Variants in BCAT1 observed in about 807,000 individuals in gnomAD.
The protein encoded by BCAT1 is branched-chain-amino-acid aminotransferase, cytosolic.
A neutral mutation model predicts 52.4 loss-of-function variants in BCAT1; 48 were observed. The ratio of observed to expected loss-of-function variants is 0.92; its 90% confidence interval spans 0.73 to 1.16. The LOEUF (loss-of-function observed/expected upper bound fraction) is 1.16. Among genes scored for constraint, BCAT1 ranks in the 50% most tolerant of loss-of-function variants. The pLI is 0.00. For synonymous variants in BCAT1, 167 were observed against 161.3 expected (o/e 1.04, Z -0.27); for missense variants, 451 against 457.1 (o/e 0.99, Z 0.12).
At chr12:24,902,283 G>A (rs1457720397) in intron 1 of BCAT1, 2 of 1,319,194 alleles carry the variant, frequency 1.5e-6, no homozygotes, top group East Asian at 3.0e-5. Flanking sequence ...TCAGCCTCGT[G>A]GTCTTGTCAA....
At chr12:24,855,336 A>G (rs1476937475) in intron 5 of BCAT1, among the ~76,000 whole-genome samples, 2 of 151,666 alleles carry the variant, frequency 1.3e-5, no homozygotes, top group South Asian at 2.1e-4. Context: ...GAAAAAAAAA[A>G]GAAAAGGAAT....
Position 24,878,536 on chromosome 12 carries a change from T to G in BCAT1, c.504A>C (p.Gly168=). ...ATAAAGAGTCAGTTTGCACCTCAGT[T>G]CCAATGAATGTAGGACGAATATACA... is the stretch of plus-strand genomic sequence containing the variant. ...ASLYIRPTFI[G]TEPSLGVKKP... Residue 168 remains glycine, a synonymous_variant, in exon 5 of 11, where the codon GGA becomes GGC. Coordinates refer to ENST00000261192, the MANE Select transcript of BCAT1 (RefSeq NM_005504.7). The G allele has an allele frequency of 6.2e-7, 1 of 1,607,180 alleles. No individual in the cohort carries two copies. The highest frequency in any genetic ancestry group is 1.3e-5 in the African/African-American group (1 of 74,746).
rs570610777 is a variant in BCAT1, at chr12:24,926,514, G to C, written c.6+22413C>G. Among the ~76,000 whole-genome samples, 124 of 152,386 alleles carry C rather than the reference G, an allele frequency of 8.1e-4. 1 individual carries two copies. Among genetic ancestry groups the C allele is most frequent in the African/African-American group, 2.9e-3 (120 of 41,598 alleles). Reference sequence around the variant, plus strand: ...ATGACAATGGCGGTTTTGTGGAATAGAAAAGGGGGAAATGTGGGGAAAAGA... The same window carrying C: ...ATGACAATGGCGGTTTTGTGGAATACAAAAGGGGGAAATGTGGGGAAAAGA... On this transcript the variant is annotated intron_variant, in intron 1 of 10. Transcript: ENST00000261192.
intron 1 of BCAT1, among the ~76,000 whole-genome samples, chr12:24,937,267 T>C (rs920355678): frequency 1.3e-5 from 2 of 152,008 alleles, no homozygotes; most frequent in African/African-American, 4.8e-5. Context: ...CACCCCTGGA[T>C]GGGGAATCAG....
chr12:24,940,004 T>A (rs552027009), intron 1 of BCAT1, among the ~76,000 whole-genome samples: 2 of 152,164 alleles, frequency 1.3e-5, no homozygotes, highest in African/African-American at 4.8e-5. Flanking sequence ...TATATAAATA[T>A]ATACAGTGAA....
chr12:24,821,428 T>A lies in BCAT1; in HGVS notation c.1120-3379A>T, dbSNP rs555847058. Among the ~76,000 whole-genome samples the A allele has an allele frequency of 6.6e-5, 10 of 152,328 alleles. No individual in the cohort carries two copies. In the South Asian group the frequency reaches 2.1e-3, roughly 32 times the overall value. On this transcript the variant is annotated intron_variant, in intron 10 of 10. Transcript: ENST00000261192. The stretch of plus-strand genomic sequence containing the variant: ...GATTATTCACACATGCTCCCCCTGA[T>A]ACTTAAAAGCCAGGCTCTAGCTTTT...
At chr12:24,854,888 A>G (rs973193323) in intron 5 of BCAT1, among the ~76,000 whole-genome samples, 11 of 152,260 alleles carry the variant, frequency 7.2e-5, no homozygotes, top group African/African-American at 2.4e-4. Context: ...TCCTTACTTT[A>G]AGAGAGTTCC....
At chr12:24,905,221 G>A (rs1341370810) in intron 1 of BCAT1, among the ~76,000 whole-genome samples, 1 of 152,022 alleles carries the variant, frequency 6.6e-6, no homozygotes, top group Non-Finnish European at 1.5e-5. Flanking sequence ...GCAAAAATAA[G>A]GTAAAAGCCT....
At chr12:24,829,242 G>C in intron 10 of BCAT1, among the ~76,000 whole-genome samples, 1 of 151,554 alleles carries the variant, frequency 6.6e-6, no homozygotes, top group Non-Finnish European at 1.5e-5. Flanking sequence ...AAATTAGCTG[G>C]GCATGGTGGC....
intron 5 of BCAT1, among the ~76,000 whole-genome samples, chr12:24,859,098 C>T (rs1303247562): frequency 1.3e-5 from 2 of 151,474 alleles, no homozygotes; most frequent in African/African-American, 4.9e-5. Context: ...AATCTTATCT[C>T]ATGGTAAAAT....
intron 1 of BCAT1, among the ~76,000 whole-genome samples, chr12:24,947,262 C>T (rs1403210416): frequency 6.6e-6 from 1 of 151,590 alleles, no homozygotes; most frequent in Non-Finnish European, 1.5e-5. Context: ...TTTTTAAATC[C>T]CCATCTAAAT....
chr12:24,915,225 T>G lies in BCAT1; in HGVS notation c.7-13340A>C, dbSNP rs962279624. 6.6e-5 allele frequency among the ~76,000 whole-genome samples: 10 copies of G among 152,302 alleles called. 1 individual carries two copies. The highest frequency in any genetic ancestry group is 5.9e-4 in the Admixed American group (9 of 15,298). Reference sequence around the variant, plus strand: ...AAAATAAATCTGAATGTAGCCATTCTTTAAACTTAAACTAAAAATCATTGT... The same window carrying G: ...AAAATAAATCTGAATGTAGCCATTCGTTAAACTTAAACTAAAAATCATTGT... On this transcript the variant is annotated intron_variant, in intron 1 of 10. Coordinates refer to ENST00000261192, the MANE Select transcript of BCAT1 (RefSeq NM_005504.7).
chr12:24,878,138 C>A (rs1424078632), intron 5 of BCAT1, among the ~76,000 whole-genome samples: 1 of 144,362 alleles, frequency 6.9e-6, no homozygotes, highest in Non-Finnish European at 1.5e-5. Flanking sequence ...TAAGCGACAA[C>A]GTGGGCAAAA....
chr12:24,912,515 A>G lies in BCAT1; in HGVS notation c.7-10630T>C, dbSNP rs1473262828. ...AGCCTGGGTGACAGAGTGAGACTCC[A>G]TCTCAGAGAAGAGAAATGGTTGATG... On this transcript the variant is annotated intron_variant, in intron 1 of 10. Coordinates refer to ENST00000261192, the MANE Select transcript of BCAT1 (RefSeq NM_005504.7). 5.3e-5 allele frequency among the ~76,000 whole-genome samples: 8 copies of G among 152,208 alleles called. No individual in the cohort carries two copies. In the South Asian group the frequency reaches 1.2e-3, roughly 24 times the overall value.
chr12:24,872,410 A>G (rs919191353), intron 5 of BCAT1, among the ~76,000 whole-genome samples: 6 of 152,208 alleles, frequency 3.9e-5, no homozygotes, highest in Admixed American at 3.3e-4. Context: ...TGAACATTTC[A>G]TAATGTAAGA....
intron 5 of BCAT1, among the ~76,000 whole-genome samples, chr12:24,868,040 A>C (rs1942076285): frequency 6.6e-6 from 1 of 152,222 alleles, no homozygotes; most frequent in African/African-American, 2.4e-5. Flanking sequence ...AAGCAGTGTT[A>C]GCATTTGTTA....
At chr12:24,836,899 AAAGAAAG>A (rs1472420142) in intron 7 of BCAT1, among the ~76,000 whole-genome samples, 1 of 45,002 alleles carries the variant, frequency 2.2e-5, no homozygotes, top group Non-Finnish European at 4.3e-5. Context: ...GAAAGAAAGA[AAAGAAAG>A]AGAGAAAGAA....
intron 3 of BCAT1, among the ~76,000 whole-genome samples, chr12:24,889,509 C>T (rs112880577): frequency 1.4e-4 from 21 of 152,284 alleles, no homozygotes; most frequent in African/African-American, 4.8e-4. Flanking sequence ...CTTGGACAGG[C>T]CTTTGTAACC....
chr12:24,844,287 C>G (rs937259919), intron 6 of BCAT1, among the ~76,000 whole-genome samples: 1 of 151,932 alleles, frequency 6.6e-6, no homozygotes, highest in African/African-American at 2.4e-5. Context: ...AAAAATTAGC[C>G]GGGAGTGGTG....
Sources: gnomAD v4.1 joint callset for allele counts (sites outside exome capture counted in the v4.1 genomes callset) on GRCh38, gnomAD v4.1.1 for gene constraint, MANE v1.5 for transcripts, NCBI Gene and HGNC (gene_info 2026-07-23, HGNC 2026-07-21) for gene names.